Variants in FAM131B observed in about 807,000 individuals in gnomAD.
The protein encoded by FAM131B is protein FAM131B.
A neutral mutation model predicts 42.0 loss-of-function variants in FAM131B; 19 were observed. That is an observed-to-expected ratio of 0.45 (90% CI 0.32 to 0.66). The LOEUF (loss-of-function observed/expected upper bound fraction) is 0.66, where lower values mean the gene tolerates loss of function less well. Ranked by LOEUF, FAM131B falls within the 30% of genes least tolerant of loss-of-function variation. The pLI, the probability that FAM131B is intolerant of heterozygous loss-of-function variation, is 0.05. For synonymous variants in FAM131B, 183 were observed against 177.6 expected, an observed-to-expected ratio of 1.03 and a Z score of -0.24; for missense variants, 370 against 468.4, an observed-to-expected ratio of 0.79 and a Z score of 1.94.
chr7:143,377,914 A>G, the FAM131B span, among the ~76,000 whole-genome samples: 1 of 152,020 alleles, frequency 6.6e-6, no homozygotes, highest in Admixed American at 6.5e-5. Flanking sequence ...GGGTTTCACT[A>G]TATCTTGGCC....
Position 143,358,703 on chromosome 7 carries a change from T to G in FAM131B, c.466+124A>C. The G allele has an allele frequency of 4.2e-6, 3 of 710,280 alleles. No individual in the cohort carries two copies. Among genetic ancestry groups the G allele is most frequent in the Non-Finnish European group, 7.3e-6 (3 of 412,742 alleles). 44.0% of individuals were successfully genotyped at this position (710,280 alleles called of 1,614,324 possible). A position where few individuals can be genotyped will look rare whatever the true frequency, so the allele number is the denominator to read the frequency against. Reference sequence around the variant, plus strand: ...ACCACATCAAAATACTTAGAGCTGTTTGGGAAATGTGAATCTACGGTCAAA... The same window carrying G: ...ACCACATCAAAATACTTAGAGCTGTGTGGGAAATGTGAATCTACGGTCAAA... On this transcript the variant is annotated intron_variant, in intron 5 of 6. Coordinates refer to ENST00000443739, the MANE Select transcript of FAM131B (RefSeq NM_001031690.3). This position sits in a 1 kb window ranked among gnomAD's most constrained non-coding sequence, Gnocchi z 4.7.
At position 143,359,598 on chromosome 7, in the gene FAM131B, G is replaced by A; in HGVS notation, c.174+134C>T. 1 of 1,013,560 alleles carries A rather than the reference G, an allele frequency of 9.9e-7. No homozygotes were observed. The highest frequency in any genetic ancestry group is 2.0e-5 in the Admixed American group (1 of 50,342). The allele number at this position is 1,013,560 out of a possible 1,614,324, so 62.8% of individuals were successfully genotyped here. A position where few individuals can be genotyped will look rare whatever the true frequency, so the allele number is the denominator to read the frequency against. ...ATCCCCAGTGCTCTGGAAAACTGGG[G>A]CACAGGTTGAGAACGTGAGTGCTCA... On this transcript the variant is annotated intron_variant, in intron 3 of 6. Coordinates refer to ENST00000443739, the MANE Select transcript of FAM131B (RefSeq NM_001031690.3). The surrounding 1 kb of genome is among the most constrained non-coding windows in gnomAD (Gnocchi z 5.4).
chr7:143,372,533 A>T, the FAM131B span, among the ~76,000 whole-genome samples: 1 of 152,236 alleles, frequency 6.6e-6, no homozygotes, highest in Non-Finnish European at 1.5e-5. Context: ...TTGCTATGCA[A>T]TGTGGGAGCC....
At chr7:143,367,026 T>C (rs975453904), upstream of FAM131B, among the ~76,000 whole-genome samples, 1 of 152,100 alleles carries the variant, frequency 6.6e-6, no homozygotes, top group Non-Finnish European at 1.5e-5. Context: ...AGTGTGTAAG[T>C]TGTATTCCCA....
chr7:143,356,552 AGTT>A lies in FAM131B; in HGVS notation c.1078_1080del (p.Asn360del). 6.2e-7 allele frequency: 1 copy of A among 1,608,490 alleles called. No individual in the cohort carries two copies. The highest frequency in any genetic ancestry group is 1.1e-5 in the South Asian group (1 of 90,926). On this transcript the variant is annotated inframe_deletion, in exon 7 of 7. Transcript: ENST00000443739. The surrounding 1 kb of genome is among the most constrained non-coding windows in gnomAD (Gnocchi z 4.4). The stretch of plus-strand genomic sequence containing the variant: ...AGGCAGGGCATTGGGGGAGGAAACT[AGTT>A]GTTGGCCTCGCCTTCCTCCTCATCA...
At chr7:143,368,100 T>C in the FAM131B span, among the ~76,000 whole-genome samples, 1 of 152,210 alleles carries the variant, frequency 6.6e-6, no homozygotes, top group Non-Finnish European at 1.5e-5. Context: ...TGCTGCTTCC[T>C]GGTCAGGTCC....
At chr7:143,373,297 C>T in the FAM131B span, among the ~76,000 whole-genome samples, 37 of 152,174 alleles carry the variant, frequency 2.4e-4, no homozygotes, top group African/African-American at 8.4e-4. Context: ...GCAGGAGAAT[C>T]GCTTGAACTG....
At chr7:143,380,547 TCGGCCCCGCCCTCCCACCTCCATTCC>T in the FAM131B span, 2 of 985,394 alleles carry the variant, frequency 2.0e-6, no homozygotes, top group East Asian at 2.3e-4. This position sits in a 1 kb window ranked among gnomAD's most constrained non-coding sequence, Gnocchi z 5.0. Context: ...GGCCGCCGCC[TCGGCCCCGCCCTCCCACCTCCATTCC>T]CGGCCCCGCG....
chr7:143,356,728 T>C lies in FAM131B; in HGVS notation c.905A>G (p.Glu302Gly). Reference protein sequence around the residue: ...GAVDLARGPAEEEKRPLAPEE... With the variant: ...GAVDLARGPAGEEKRPLAPEE... ...AGGTGCCAATGGCCTCTTCTCCTCC[T>C]CAGCAGGGCCCCTTGCCAGGTCCAC... Residue 302 changes from glutamate to glycine, a missense_variant, in exon 7 of 7, where the codon GAG (glutamate) becomes GGG (glycine). Glu to Gly is a moderately conservative substitution (Grantham distance 98). Transcript: ENST00000443739. The surrounding 1 kb of genome is among the most constrained non-coding windows in gnomAD (Gnocchi z 4.4). 3 of 1,614,126 alleles carry C rather than the reference T, an allele frequency of 1.9e-6. No homozygotes were observed. The highest frequency in any genetic ancestry group is 2.5e-6 in the Non-Finnish European group (3 of 1,180,022).
chr7:143,381,162 G>A, the FAM131B span: 1 of 986,394 alleles, frequency 1.0e-6, no homozygotes. Flanking sequence ...CCTGAGGCAG[G>A]ATCAGGGCCC....
chr7:143,356,886 A>T lies in FAM131B; in HGVS notation c.747T>A (p.Leu249=). The stretch of plus-strand genomic sequence containing the variant: ...GTTGTGAGTCATCAAATGCAGGCCC[A>T]AGATAGGATCCTGTGGCCGGAGAGG... ...LIASPATGSY[L]GPAFDDSQPS... Residue 249 remains leucine, a synonymous_variant, in exon 7 of 7, where the codon CTT becomes CTA. Transcript: ENST00000443739. This position sits in a 1 kb window ranked among gnomAD's most constrained non-coding sequence, Gnocchi z 4.4. The T allele has an allele frequency of 6.2e-7, 1 of 1,614,134 alleles. No individual in the cohort carries two copies. The highest frequency in any genetic ancestry group is 8.5e-7 in the Non-Finnish European group (1 of 1,180,028).
the FAM131B span, among the ~76,000 whole-genome samples, chr7:143,371,301 A>G: frequency 6.6e-6 from 1 of 152,082 alleles, no homozygotes; most frequent in Non-Finnish European, 1.5e-5. Flanking sequence ...ATTTAAGGTG[A>G]TAATTACTAT....
At chr7:143,374,713 A>G in the FAM131B span, among the ~76,000 whole-genome samples, 1 of 151,982 alleles carries the variant, frequency 6.6e-6, no homozygotes, top group African/African-American at 2.4e-5. Context: ...AGCCACACCT[A>G]CCTGCCTTGG....
chr7:143,362,570 A>T lies in FAM131B; in HGVS notation c.28+6T>A. On this transcript the variant is annotated splice_donor_region_variant and intron_variant, in intron 1 of 6. Transcript: ENST00000443739. This position sits in a 1 kb window ranked among gnomAD's most constrained non-coding sequence, Gnocchi z 7.7. ...AGCCCTGCCCCCGCCCGGCCGCGGT[A>T]CCCACCCACAGTCCGGGAGCCGATG... is the stretch of plus-strand genomic sequence containing the variant. The T allele has an allele frequency of 8.2e-7, 1 of 1,218,380 alleles. No homozygotes were observed. The highest frequency in any genetic ancestry group is 1.0e-6 in the Non-Finnish European group (1 of 978,924). 75.5% of individuals were successfully genotyped at this position (1,218,380 alleles called of 1,614,324 possible). A position where few individuals can be genotyped will look rare whatever the true frequency, so the allele number is the denominator to read the frequency against.
Position 143,358,755 on chromosome 7 carries a change from G to C in FAM131B, c.466+72C>G. ...TATGGATGGAGCTAATCCTGCCACA[G>C]GGGATCAGGTTGGAGGGTCGGTCCC... On this transcript the variant is annotated intron_variant, in intron 5 of 6. Coordinates refer to ENST00000443739, the MANE Select transcript of FAM131B (RefSeq NM_001031690.3). This position sits in a 1 kb window ranked among gnomAD's most constrained non-coding sequence, Gnocchi z 4.7. The C allele has an allele frequency of 8.3e-7, 1 of 1,204,202 alleles. No individual in the cohort carries two copies. Among genetic ancestry groups the C allele is most frequent in the Non-Finnish European group, 1.2e-6 (1 of 825,138 alleles). The allele number at this position is 1,204,202 out of a possible 1,614,324, so 74.6% of individuals were successfully genotyped here.
At chr7:143,360,323 G>GT (rs1803899396) in intron 1 of FAM131B, 174 bp from the exon 2 acceptor site, 1 of 1,438,500 alleles carries the variant, frequency 7.0e-7, no homozygotes, top group South Asian at 1.5e-5. Context: ...CAAATATTCA[G>GT]TTTTAGCTCA....
chr7:143,380,353 T>G, the FAM131B span: 1 of 984,392 alleles, frequency 1.0e-6, no homozygotes, highest in South Asian at 4.7e-5. The surrounding 1 kb of genome is among the most constrained non-coding windows in gnomAD (Gnocchi z 5.0). Context: ...CCAAGCGCAG[T>G]CTCAGAATGC....
In FAM131B at chr7:143,356,745, C is replaced by T. The variant is rs1393263015; in HGVS notation, c.888G>A (p.Leu296=). ...TCTCCTCCTCAGCAGGGCCCCTTGC[C>T]AGGTCCACTGCGCCTACCCCCGGAG... ...DWAPGVGAVD[L]ARGPAEEEKR... is the part of the protein sequence containing the mutation. Residue 296 remains leucine (L), a synonymous_variant, in exon 7 of 7, where the codon CTG becomes CTA. Transcript: ENST00000443739. The surrounding 1 kb of genome is among the most constrained non-coding windows in gnomAD (Gnocchi z 4.4). 1 of 1,613,984 alleles carries T rather than the reference C, an allele frequency of 6.2e-7. No individual in the cohort carries two copies. The highest frequency in any genetic ancestry group is 8.5e-7 in the Non-Finnish European group (1 of 1,180,022).
chr7:143,380,076 T>C, the FAM131B span: 1 of 985,206 alleles, frequency 1.0e-6, no homozygotes, highest in Non-Finnish European at 1.2e-6. This position sits in a 1 kb window ranked among gnomAD's most constrained non-coding sequence, Gnocchi z 5.0. Context: ...ACACTCAGTG[T>C]GAACAAGACG....
Sources: gnomAD v4.1 joint callset for allele counts (sites outside exome capture counted in the v4.1 genomes callset) on GRCh38, gnomAD v4.1.1 for gene constraint, Gnocchi (gnomAD v3.1) non-coding constraint, MANE v1.5 for transcripts, NCBI Gene and HGNC (gene_info 2026-07-23, HGNC 2026-07-21) for gene names.